Variants in TMEM74 observed in about 807,000 individuals in gnomAD.
TMEM74 encodes the protein transmembrane protein 74.
Under a neutral mutation model 18.1 loss-of-function variants are expected in TMEM74, and 13 were observed. That is an observed-to-expected ratio of 0.72 (90% CI 0.47 to 1.14). The LOEUF is 1.14. Ranked by LOEUF, TMEM74 falls within the 50% of genes most tolerant of loss-of-function variation. The pLI, the probability that TMEM74 is intolerant of heterozygous loss-of-function variation, is 0.00. For synonymous variants in TMEM74, 159 were observed against 146.6 expected (o/e 1.08, Z -0.61); for missense variants, 372 against 375.9 (o/e 0.99, Z 0.09).
At chr8:108,728,738 A>G (rs1813665100) in intron 1 of TMEM74, among the ~76,000 whole-genome samples, 1 of 152,190 alleles carries the variant, frequency 6.6e-6, no homozygotes, top group Non-Finnish European at 1.5e-5. Flanking sequence ...TTCTCCACCT[A>G]AAGTCATCAG....
chr8:108,705,878 G>T (rs1466048285), intron 1 of TMEM74, among the ~76,000 whole-genome samples: 1 of 152,202 alleles, frequency 6.6e-6, no homozygotes, highest in Non-Finnish European at 1.5e-5. Context: ...TTAGACACCT[G>T]CTGCAAATGT....
Position 108,781,736 on chromosome 8 carries a change from A to G in TMEM74, c.*2445T>C, listed in dbSNP as rs765487783. On this transcript the variant is annotated 3_prime_UTR_variant, in exon 2 of 2. Coordinates refer to ENST00000297459, the MANE Select transcript of TMEM74 (RefSeq NM_153015.3). ...GAAATTATAGCATTCTAGGGAAAAG[A>G]AAGGAAATGTATTTTGATGTGTTAG... is the stretch of plus-strand genomic sequence containing the variant. Among the ~76,000 whole-genome samples, 41 of 152,342 alleles carry G rather than the reference A, an allele frequency of 2.7e-4. No individual in the cohort carries two copies. The highest frequency in any genetic ancestry group is 1.9e-3 in the East Asian group (10 of 5,186).
chr8:108,676,002 G>A (rs1430541909), intron 1 of TMEM74, among the ~76,000 whole-genome samples: 4 of 152,198 alleles, frequency 2.6e-5, no homozygotes, highest in Admixed American at 1.3e-4. Context: ...CAGAGAATTT[G>A]ATAAACTGGC....
chr8:108,736,890 A>T (rs1813754635), intron 1 of TMEM74, among the ~76,000 whole-genome samples: 1 of 152,102 alleles, frequency 6.6e-6, no homozygotes, highest in Non-Finnish European at 1.5e-5. Flanking sequence ...AGGGACATAG[A>T]TTTGTAGATG....
At chr8:108,775,375 C>T (rs1200101728), downstream of TMEM74, among the ~76,000 whole-genome samples, 1 of 152,158 alleles carries the variant, frequency 6.6e-6, no homozygotes, top group East Asian at 1.9e-4. Context: ...CATTTTCTAG[C>T]CTGTTTCCTA....
chr8:108,617,027 C>T (rs1374381151), intron 2 of TMEM74, among the ~76,000 whole-genome samples: 1 of 151,390 alleles, frequency 6.6e-6, no homozygotes, highest in African/African-American at 2.4e-5. Context: ...AGTGGTAGAG[C>T]AGAGCAATTT....
intron 1 of TMEM74, among the ~76,000 whole-genome samples, chr8:108,786,431 T>C (rs1297335246): frequency 6.6e-6 from 1 of 152,082 alleles, no homozygotes; most frequent in Non-Finnish European, 1.5e-5. Flanking sequence ...TAATTCAAAA[T>C]CCACAGCTCC....
chr8:108,651,408 T>C (rs1172921378), intron 2 of TMEM74, among the ~76,000 whole-genome samples: 1 of 152,202 alleles, frequency 6.6e-6, no homozygotes, highest in Non-Finnish European at 1.5e-5. Context: ...AGGCTATAAC[T>C]GTAATTAACA....
At chr8:108,625,848 A>G (rs996143559) in intron 2 of TMEM74, among the ~76,000 whole-genome samples, 21 of 152,020 alleles carry the variant, frequency 1.4e-4, no homozygotes, top group Admixed American at 1.3e-4. Context: ...GAAAATATCA[A>G]TTATGTCTTT....
At chr8:108,718,160 A>T (rs533000812) in intron 1 of TMEM74, among the ~76,000 whole-genome samples, 1 of 78,344 alleles carries the variant, frequency 1.3e-5, no homozygotes, top group Non-Finnish European at 2.1e-5. Flanking sequence ...GGGTTTCACC[A>T]TTTTAGCCGG....
intron 2 of TMEM74, among the ~76,000 whole-genome samples, chr8:108,621,190 G>A (rs1048344955): frequency 2.0e-5 from 3 of 152,178 alleles, no homozygotes; most frequent in Non-Finnish European, 4.4e-5. Flanking sequence ...CTTGGGAAGT[G>A]AAACAGGGAA....
At chr8:108,658,127 C>T (rs1194375102) in intron 1 of TMEM74, among the ~76,000 whole-genome samples, 2 of 151,392 alleles carry the variant, frequency 1.3e-5, no homozygotes, top group African/African-American at 4.9e-5. Flanking sequence ...AAATTATGAG[C>T]TTAAGGCCTG....
chr8:108,665,219 G>A (rs1002818451), intron 1 of TMEM74, among the ~76,000 whole-genome samples: 1 of 152,152 alleles, frequency 6.6e-6, no homozygotes, highest in Non-Finnish European at 1.5e-5. Context: ...CTCATTTACA[G>A]GAGAGAGGAA....
intron 1 of TMEM74, among the ~76,000 whole-genome samples, chr8:108,760,676 C>T (rs960298648): frequency 2.0e-5 from 3 of 151,982 alleles, no homozygotes; most frequent in African/African-American, 7.2e-5. Context: ...TGTAGTCTGG[C>T]TGTAGCAATG....
chr8:108,708,958 G>T (rs564160020), intron 1 of TMEM74, among the ~76,000 whole-genome samples: 1 of 152,028 alleles, frequency 6.6e-6, no homozygotes, highest in East Asian at 1.9e-4. Context: ...ATTTAAAAAT[G>T]CAAATCAAAA....
At chr8:108,649,373 A>G (rs778070468) in intron 2 of TMEM74, among the ~76,000 whole-genome samples, 10 of 152,158 alleles carry the variant, frequency 6.6e-5, no homozygotes, top group Admixed American at 2.6e-4. Context: ...AGATGAGGGA[A>G]AACTAGATGG....
At chr8:108,756,935 G>A (rs1813982377) in intron 1 of TMEM74, among the ~76,000 whole-genome samples, 1 of 152,114 alleles carries the variant, frequency 6.6e-6, no homozygotes, top group African/African-American at 2.4e-5. Context: ...ACCAGGGAAA[G>A]GGTTTACTTA....
intron 1 of TMEM74, among the ~76,000 whole-genome samples, chr8:108,745,871 G>A (rs1364805567): frequency 6.6e-6 from 1 of 152,110 alleles, no homozygotes; most frequent in African/African-American, 2.4e-5. Flanking sequence ...GTATTAAAAT[G>A]CACTGTGAAA....
intron 1 of TMEM74, among the ~76,000 whole-genome samples, chr8:108,721,277 A>G (rs1312844179): frequency 6.6e-6 from 1 of 152,144 alleles, no homozygotes; most frequent in Non-Finnish European, 1.5e-5. Context: ...CCTCTCTACC[A>G]AGAAAGACAC....
Sources: gnomAD v4.1 joint callset for allele counts (sites outside exome capture counted in the v4.1 genomes callset) on GRCh38, gnomAD v4.1.1 for gene constraint, MANE v1.5 for transcripts, NCBI Gene and HGNC (gene_info 2026-07-23, HGNC 2026-07-21) for gene names.